Variants in SPIDR observed in about 807,000 individuals in gnomAD.
SPIDR encodes scaffold protein involved in DNA repair, also known as DNA repair-scaffolding protein.
A neutral mutation model predicts 104.6 loss-of-function variants in SPIDR; 93 were observed. The ratio of observed to expected loss-of-function variants is 0.89; its 90% CI spans 0.75 to 1.06. The LOEUF (loss-of-function observed/expected upper bound fraction) is 1.06, where lower values mean the gene tolerates loss of function less well. Among genes scored for constraint, SPIDR ranks in the 50% least tolerant of loss-of-function variants. The pLI, the probability that SPIDR is intolerant of heterozygous loss-of-function variation, is 0.00. For missense variants in SPIDR, 1,154 were observed against 1,111.2 expected (o/e 1.04, Z -0.55); for synonymous variants, 431 against 416.9 (o/e 1.03, Z -0.41).
intron 8 of SPIDR, among the ~76,000 whole-genome samples, chr8:47,501,456 G>A (rs1012037403): frequency 6.6e-5 from 10 of 152,160 alleles, no homozygotes; most frequent in Non-Finnish European, 1.2e-4. Context: ...TCTGTTATTG[G>A]TGTATAAGAA....
intron 14 of SPIDR, among the ~76,000 whole-genome samples, chr8:47,704,316 C>T (rs2080763567): frequency 6.6e-6 from 1 of 152,230 alleles, no homozygotes; most frequent in Non-Finnish European, 1.5e-5. Flanking sequence ...ATGTACATAT[C>T]ATTTTATCTC....
At chr8:47,326,381 G>A (rs1318934469) in intron 5 of SPIDR, among the ~76,000 whole-genome samples, 5 of 152,098 alleles carry the variant, frequency 3.3e-5, no homozygotes, top group African/African-American at 7.2e-5. Context: ...GCCTTGCCAC[G>A]TACATACACA....
intron 10 of SPIDR, among the ~76,000 whole-genome samples, chr8:47,663,826 CAAAG>C (rs2074486688): frequency 6.6e-6 from 1 of 152,078 alleles, no homozygotes; most frequent in Non-Finnish European, 1.5e-5. Context: ...GGAAATAAAT[CAAAG>C]AAACAGAAGA....
intron 8 of SPIDR, among the ~76,000 whole-genome samples, chr8:47,574,085 T>C (rs1185060448): frequency 6.6e-6 from 1 of 152,254 alleles, no homozygotes; most frequent in African/African-American, 2.4e-5. Context: ...AGCTTAGTGC[T>C]TGCCTCTATG....
chr8:47,732,467 CA>C, intron 19 of SPIDR: 1 of 461,174 alleles, frequency 2.2e-6, no homozygotes, highest in East Asian at 4.0e-5. Flanking sequence ...GCCTTAGTAT[CA>C]CCTTTTTGGG....
chr8:47,282,410 C>T (rs913547794), intron 2 of SPIDR, among the ~76,000 whole-genome samples: 24 of 152,218 alleles, frequency 1.6e-4, no homozygotes, highest in African/African-American at 5.5e-4. Flanking sequence ...TTTAGCGTAG[C>T]TACCTTCATC....
intron 8 of SPIDR, among the ~76,000 whole-genome samples, chr8:47,522,584 C>CCAAG (rs1238223574): frequency 6.6e-6 from 1 of 152,132 alleles, no homozygotes; most frequent in Non-Finnish European, 1.5e-5. Context: ...TCTCCTCCTG[C>CCAAG]CAAGGTTGGT....
chr8:47,669,021 A>C (rs921058216), intron 10 of SPIDR, among the ~76,000 whole-genome samples: 1 of 152,206 alleles, frequency 6.6e-6, no homozygotes, highest in Non-Finnish European at 1.5e-5. Context: ...AATGACTTCA[A>C]TGCTCACAAC....
intron 10 of SPIDR, among the ~76,000 whole-genome samples, chr8:47,621,225 G>T (rs1443543969): frequency 6.6e-6 from 1 of 152,228 alleles, no homozygotes; most frequent in East Asian, 1.9e-4. Flanking sequence ...AAAGTGCTGG[G>T]ATTACAGGCG....
intron 5 of SPIDR, among the ~76,000 whole-genome samples, chr8:47,297,992 C>G (rs1586541324): frequency 6.6e-6 from 1 of 152,290 alleles, no homozygotes; most frequent in East Asian, 1.9e-4. Context: ...ATGGCTGGGT[C>G]AAATGGTATT....
At chr8:47,452,763 T>C (rs2072080998) in intron 8 of SPIDR, among the ~76,000 whole-genome samples, 2 of 152,180 alleles carry the variant, frequency 1.3e-5, no homozygotes, top group South Asian at 4.1e-4. Flanking sequence ...TCATACTGAA[T>C]GGGCAGAAAC....
chr8:47,504,764 T>C (rs1055737414), intron 8 of SPIDR, among the ~76,000 whole-genome samples: 9 of 152,160 alleles, frequency 5.9e-5, no homozygotes, highest in Non-Finnish European at 1.3e-4. Flanking sequence ...ATCTTTGTGG[T>C]TTTATCTACC....
intron 7 of SPIDR, among the ~76,000 whole-genome samples, chr8:47,433,054 A>G (rs2067642580): frequency 6.6e-6 from 1 of 152,214 alleles, no homozygotes; most frequent in Non-Finnish European, 1.5e-5. Context: ...ATATTTGTCT[A>G]GAAATCTTTA....
chr8:47,393,751 TTC>T (rs1440481134), intron 5 of SPIDR, among the ~76,000 whole-genome samples: 1 of 148,528 alleles, frequency 6.7e-6, no homozygotes, highest in African/African-American at 2.5e-5. Context: ...CATTCTTTCG[TTC>T]TCTTTCTTTC....
At chr8:47,386,559 C>G (rs1263215752) in intron 5 of SPIDR, among the ~76,000 whole-genome samples, 1 of 152,020 alleles carries the variant, frequency 6.6e-6, no homozygotes, top group Admixed American at 6.5e-5. Context: ...TGCTTCCTAC[C>G]TCTGTTACTG....
At chr8:47,725,146 C>T (rs1160229978) in intron 16 of SPIDR, among the ~76,000 whole-genome samples, 3 of 152,232 alleles carry the variant, frequency 2.0e-5, no homozygotes, top group Non-Finnish European at 4.4e-5. Flanking sequence ...GAAATGTGTG[C>T]ACCAGGCGTG....
chr8:47,580,024 G>A (rs918266917), intron 8 of SPIDR, among the ~76,000 whole-genome samples: 7 of 152,274 alleles, frequency 4.6e-5, no homozygotes, highest in African/African-American at 7.2e-5. Flanking sequence ...AACCTCCTCC[G>A]AAGATGGGAA....
chr8:47,405,291 C>CGTGTGTGT lies in SPIDR; in HGVS notation c.777-2545_777-2538dup, dbSNP rs34302817. Among the ~76,000 whole-genome samples, 260 of 145,004 alleles carry CGTGTGTGT rather than the reference C, an allele frequency of 1.8e-3. 2 individuals carry two copies. The highest frequency in any genetic ancestry group is 5.7e-3 in the African/African-American group (224 of 39,620). On this transcript the variant is annotated intron_variant, in intron 6 of 19. Transcript: ENST00000297423. The stretch of plus-strand genomic sequence containing the variant: ...ACGGGTGCAGCACACCAACATGGCA[C>CGTGTGTGT]GTGTGTGTGTGTGTGTGTGTGTGTG...
At chr8:47,671,940 T>G (rs899654446) in intron 10 of SPIDR, among the ~76,000 whole-genome samples, 1 of 152,164 alleles carries the variant, frequency 6.6e-6, no homozygotes, top group Non-Finnish European at 1.5e-5. Context: ...TTGCTTGGTA[T>G]TTGTTTGGTC....
Sources: allele counts gnomAD v4.1 joint callset (sites outside exome capture counted in the v4.1 genomes callset), GRCh38; gene constraint gnomAD v4.1.1; transcripts MANE v1.5; gene names NCBI Gene and HGNC (gene_info 2026-07-23, HGNC 2026-07-21).